The following DMD variants were observed in gnomAD, a reference collection of about 807,000 sequenced individuals.
DMD encodes mutant dystrophin.
Under a neutral mutation model 330.1 loss-of-function variants are expected in DMD, and 63 were observed. The ratio of observed to expected loss-of-function variants is 0.19; its 90% confidence interval spans 0.16 to 0.24. The LOEUF (loss-of-function observed/expected upper bound fraction) is 0.24, where lower values mean the gene tolerates loss of function less well. DMD is among the 10% of genes least tolerant of loss of function. The pLI is 1.00. For synonymous variants in DMD, 1,223 were observed against 959.8 expected (o/e 1.27, Z -5.07); for missense variants, 3,344 against 2,684.1 (o/e 1.25, Z -5.43).
At chrX:31,430,518 T>C (rs1445576199) in intron 60 of DMD, among the ~76,000 whole-genome samples, 3 of 111,506 alleles carry the variant, frequency 2.7e-5, no homozygotes, top group African/African-American at 6.5e-5. Flanking sequence ...GGTTTAAAAG[T>C]GTACACTCAA....
chrX:31,412,186 CAAAAAA>C (rs764012481), intron 60 of DMD, among the ~76,000 whole-genome samples: 1 of 43,809 alleles, frequency 2.3e-5, no homozygotes, highest in African/African-American at 9.1e-5. Context: ...ACTCTTGTCT[CAAAAAA>C]AAAAAAAAAA....
intron 53 of DMD, among the ~76,000 whole-genome samples, chrX:31,675,643 G>A (rs975783884): frequency 9.0e-6 from 1 of 111,659 alleles, no homozygotes; most frequent in Non-Finnish European, 1.9e-5. Context: ...TTACAGGTAT[G>A]AGCCACCGCG....
At chrX:32,461,153 CA>C (rs905624499) in intron 25 of DMD, among the ~76,000 whole-genome samples, 6 of 111,371 alleles carry the variant, frequency 5.4e-5, no homozygotes, top group Admixed American at 1.9e-4. Flanking sequence ...CATCTGGTGA[CA>C]AAAAAGGAAT....
intron 1 of DMD, among the ~76,000 whole-genome samples, chrX:33,132,676 C>T (rs934384025): frequency 3.6e-4 from 41 of 112,339 alleles, no homozygotes; most frequent in African/African-American, 1.3e-3. Context: ...GGCTTTCCAG[C>T]TATAAAATAG....
At position 32,272,558 on chromosome X, in the gene DMD, T is replaced by G. The variant is rs765361174; in HGVS notation, c.6290+14971A>C. Among the ~76,000 whole-genome samples the G allele has an allele frequency of 2.1e-4, 24 of 112,154 alleles. No individual in the cohort carries two copies. In the East Asian group the frequency reaches 6.7e-3, roughly 31 times the overall value. ...ATCCTTGAGCATAAGAAATCCTATG[T>G]GAAATGCCATGGAGGCAGGCTATGT... is the stretch of plus-strand genomic sequence containing the variant. On this transcript the variant is annotated intron_variant, in intron 43 of 78. Transcript: ENST00000357033.
rs191713286 is a variant in DMD, at chrX:31,554,755, T to A, written c.8218-47302A>T. 3.2e-3 allele frequency among the ~76,000 whole-genome samples: 357 copies of A among 111,824 alleles called. 3 individuals are homozygous for A. Among genetic ancestry groups the A allele is most frequent in the Middle Eastern group, 4.6e-3 (1 of 217 alleles). ...CATTAAATATTTATTATGTGGTAGGTATACGGAAGTACAAAAAAGTACAAA... is the reference window on the plus strand; with the variant it reads ...CATTAAATATTTATTATGTGGTAGGAATACGGAAGTACAAAAAAGTACAAA... On this transcript the variant is annotated intron_variant, in intron 55 of 78. Coordinates refer to ENST00000357033, the MANE Select transcript of DMD (RefSeq NM_004006.3).
intron 7 of DMD, among the ~76,000 whole-genome samples, chrX:32,777,016 C>G (rs1282645882): frequency 9.2e-6 from 1 of 108,663 alleles, no homozygotes; most frequent in Non-Finnish European, 1.9e-5. Context: ...AAAAGTATAT[C>G]CAGTTTTATA....
At chrX:31,922,375 G>A (rs73217969) in intron 47 of DMD, among the ~76,000 whole-genome samples, 16,487 of 110,754 alleles carry the variant, frequency 0.15, 985 homozygotes, top group Non-Finnish European at 0.17. Flanking sequence ...AGGTGAAAGC[G>A]AGTGTTTTCC....
At chrX:31,413,425 G>A (rs1050684557) in intron 60 of DMD, among the ~76,000 whole-genome samples, 5 of 112,281 alleles carry the variant, frequency 4.5e-5, no homozygotes, top group African/African-American at 1.6e-4. Flanking sequence ...ATCCCAGTCT[G>A]TTATAATCTT....
chrX:32,045,720 TTGATA>T (rs1028384521), intron 44 of DMD, among the ~76,000 whole-genome samples: 16 of 111,994 alleles, frequency 1.4e-4, no homozygotes, highest in Non-Finnish European at 2.8e-4. Context: ...TGCAAGCTCT[TTGATA>T]TAAGTGTTCA....
chrX:31,428,727 C>T (rs144343762), intron 60 of DMD, among the ~76,000 whole-genome samples: 5 of 112,433 alleles, frequency 4.4e-5, no homozygotes, highest in East Asian at 5.6e-4. Context: ...ATATTTACCA[C>T]GCTAAGATCT....
intron 1 of DMD, among the ~76,000 whole-genome samples, chrX:33,324,151 C>G (rs1461605504): frequency 9.0e-6 from 1 of 111,237 alleles, no homozygotes; most frequent in East Asian, 2.8e-4. Flanking sequence ...GAAGTAGACC[C>G]TGAGCAAATT....
chrX:31,519,818 G>C (rs1254291802), intron 55 of DMD, among the ~76,000 whole-genome samples: 2 of 111,797 alleles, frequency 1.8e-5, no homozygotes, highest in Non-Finnish European at 3.8e-5. Flanking sequence ...GTAAACTAAA[G>C]TCCTGCTGAT....
chrX:32,631,908 C>A (rs997207000), intron 11 of DMD, among the ~76,000 whole-genome samples: 2 of 111,207 alleles, frequency 1.8e-5, no homozygotes, highest in Non-Finnish European at 3.8e-5. Flanking sequence ...TCCATCCTGG[C>A]CCCTCCCAAA....
chrX:32,526,423 ATTT>A (rs1186949869), intron 17 of DMD, among the ~76,000 whole-genome samples: 1 of 106,764 alleles, frequency 9.4e-6, no homozygotes, highest in Non-Finnish European at 1.9e-5. Flanking sequence ...TAAGTCTTTG[ATTT>A]TTTTTTTTCT....
intron 1 of DMD, among the ~76,000 whole-genome samples, chrX:33,086,367 A>G (rs2095005095): frequency 8.9e-6 from 1 of 112,207 alleles, no homozygotes; most frequent in Admixed American, 9.5e-5. Flanking sequence ...TGACTATGTA[A>G]TTAAAAAAAA....
intron 7 of DMD, among the ~76,000 whole-genome samples, chrX:32,722,044 C>T: frequency 9.1e-6 from 1 of 110,010 alleles, no homozygotes; most frequent in East Asian, 2.9e-4. Context: ...TTACAATACT[C>T]TTTTTAATAC....
intron 7 of DMD, among the ~76,000 whole-genome samples, chrX:32,755,626 A>T (rs1442009896): frequency 8.9e-6 from 1 of 112,356 alleles, no homozygotes; most frequent in African/African-American, 3.2e-5. Flanking sequence ...TTTTCAAACA[A>T]TATTCAATTA....
At chrX:31,482,535 G>A (rs915565558) in intron 57 of DMD, among the ~76,000 whole-genome samples, 3 of 110,384 alleles carry the variant, frequency 2.7e-5, no homozygotes, top group East Asian at 2.9e-4. Flanking sequence ...GAGAGGAAGA[G>A]GGTGACCAAG....
Sources: gnomAD v4.1 joint callset for allele counts (sites outside exome capture counted in the v4.1 genomes callset) on GRCh38, gnomAD v4.1.1 for gene constraint, MANE v1.5 for transcripts, NCBI Gene and HGNC (gene_info 2026-07-23, HGNC 2026-07-21) for gene names.